The following PRKCE variants were observed in gnomAD, a reference collection of about 807,000 sequenced individuals.
PRKCE encodes protein kinase C epsilon type.
A neutral mutation model predicts 85.4 loss-of-function variants in PRKCE; 16 were observed. The ratio of observed to expected loss-of-function variants is 0.19; its 90% confidence interval spans 0.13 to 0.28. The LOEUF is 0.28. Among genes scored for constraint, PRKCE ranks in the 10% least tolerant of loss-of-function variants. PRKCE has a pLI of 1.00. For synonymous variants in PRKCE, 388 were observed against 371.5 expected (o/e 1.04, Z -0.51); for missense variants, 573 against 975.2 (o/e 0.59, Z 5.49).
At chr2:45,793,139 A>T (rs535345600) in intron 1 of PRKCE, among the ~76,000 whole-genome samples, 4 of 152,224 alleles carry the variant, frequency 2.6e-5, no homozygotes, top group Non-Finnish European at 5.9e-5. Flanking sequence ...GAATAGATTT[A>T]AGCAGGGCAG....
At chr2:45,762,022 C>T (rs528662402) in intron 1 of PRKCE, among the ~76,000 whole-genome samples, 1 of 152,306 alleles carries the variant, frequency 6.6e-6, no homozygotes, top group African/African-American at 2.4e-5. Context: ...GGTTTCCATC[C>T]CACCCTCTCA....
chr2:46,166,131 G>T (rs1188029104), intron 14 of PRKCE, among the ~76,000 whole-genome samples: 1 of 152,236 alleles, frequency 6.6e-6, no homozygotes, highest in East Asian at 1.9e-4. Flanking sequence ...GCATGACTGG[G>T]CTGTGCTGAG....
At chr2:45,859,385 C>T (rs1033771631) in intron 2 of PRKCE, among the ~76,000 whole-genome samples, 7 of 152,130 alleles carry the variant, frequency 4.6e-5, no homozygotes, top group African/African-American at 1.7e-4. Flanking sequence ...TTCGGCTTTG[C>T]TAGGTAATAA....
intron 7 of PRKCE, among the ~76,000 whole-genome samples, chr2:46,002,626 C>T (rs1181221748): frequency 6.6e-6 from 1 of 152,210 alleles, no homozygotes; most frequent in Non-Finnish European, 1.5e-5. Context: ...AAATTCTCTT[C>T]TCTCTGGTTG....
At chr2:45,779,456 G>A (rs1265188739) in intron 1 of PRKCE, among the ~76,000 whole-genome samples, 1 of 152,128 alleles carries the variant, frequency 6.6e-6, no homozygotes, top group South Asian at 2.1e-4. Flanking sequence ...AGGTGTTGTG[G>A]GTTGAGGGGT....
At chr2:46,109,778 A>T (rs1379976501) in intron 11 of PRKCE, among the ~76,000 whole-genome samples, 1 of 152,116 alleles carries the variant, frequency 6.6e-6, no homozygotes, top group Non-Finnish European at 1.5e-5. Flanking sequence ...TGTCTGTTAC[A>T]GATCTTAGTG....
At position 45,935,071 on chromosome 2, in the gene PRKCE, A is replaced by T. The variant is rs77448889; in HGVS notation, c.413-41358A>T. Among the ~76,000 whole-genome samples, 552 of 144,646 alleles carry T rather than the reference A, an allele frequency of 3.8e-3. 2 individuals carry two copies. The highest frequency in any genetic ancestry group is 0.013 in the African/African-American group (522 of 38,880). The allele number at this position is 144,646 out of a possible 152,430, so 94.9% of individuals were successfully genotyped here. A position where few individuals can be genotyped will look rare whatever the true frequency, so the allele number is the denominator to read the frequency against. ...GCGAGACACTCACTCTCTCTCTCAC[A>T]CACACACACACACACACACACATAG... On this transcript the variant is annotated intron_variant, in intron 2 of 14. Coordinates refer to ENST00000306156, the MANE Select transcript of PRKCE (RefSeq NM_005400.3).
At chr2:46,011,270 C>A (rs1705648522) in intron 10 of PRKCE, among the ~76,000 whole-genome samples, 1 of 152,172 alleles carries the variant, frequency 6.6e-6, no homozygotes, top group Non-Finnish European at 1.5e-5. Flanking sequence ...ACCTGAAACT[C>A]CTAGCTGTGG....
At chr2:46,085,989 G>A (rs550012656) in intron 10 of PRKCE, among the ~76,000 whole-genome samples, 8 of 152,178 alleles carry the variant, frequency 5.3e-5, no homozygotes, top group South Asian at 2.1e-4. Flanking sequence ...GATGCCCACC[G>A]AAGGCGGACA....
At chr2:45,820,876 C>T (rs1377396485) in intron 1 of PRKCE, among the ~76,000 whole-genome samples, 1 of 152,152 alleles carries the variant, frequency 6.6e-6, no homozygotes, top group African/African-American at 2.4e-5. Context: ...ACCTGGCCTT[C>T]TGTCTCCCCA....
chr2:45,813,785 G>A (rs766537708), intron 1 of PRKCE, among the ~76,000 whole-genome samples: 2 of 152,204 alleles, frequency 1.3e-5, no homozygotes, highest in Non-Finnish European at 2.9e-5. Flanking sequence ...AAATGACCCA[G>A]TGGAGCATTT....
intron 2 of PRKCE, among the ~76,000 whole-genome samples, chr2:45,843,300 C>T (rs556658736): frequency 1.4e-4 from 21 of 152,246 alleles, no homozygotes; most frequent in South Asian, 2.1e-4. Flanking sequence ...GCCAATAAAA[C>T]GGGCGTTTTT....
rs141787887 is a variant in PRKCE, at chr2:45,954,771, T to G, written c.413-21658T>G. Among the ~76,000 whole-genome samples the G allele has an allele frequency of 3.1e-3, 469 of 152,344 alleles. 1 individual carries two copies. The highest frequency in any genetic ancestry group is 0.011 in the African/African-American group (457 of 41,580). ...ATGCTCTTGTAGGCCCTTTAGGGATTGTTAAACTGTTTAGAACCGAGGATA... is the reference window on the plus strand; with the variant it reads ...ATGCTCTTGTAGGCCCTTTAGGGATGGTTAAACTGTTTAGAACCGAGGATA... On this transcript the variant is annotated intron_variant, in intron 2 of 14. Coordinates refer to ENST00000306156, the MANE Select transcript of PRKCE (RefSeq NM_005400.3).
intron 1 of PRKCE, among the ~76,000 whole-genome samples, chr2:45,699,910 G>A (rs1678479937): frequency 6.6e-6 from 1 of 152,114 alleles, no homozygotes; most frequent in Non-Finnish European, 1.5e-5. Context: ...GCACACTGAT[G>A]AGATCAAGGA....
At chr2:45,761,065 C>T (rs62127171) in intron 1 of PRKCE, among the ~76,000 whole-genome samples, 17,686 of 152,082 alleles carry the variant, frequency 0.12, 1,134 homozygotes, top group Middle Eastern at 0.21. Flanking sequence ...TGGTGGCTCA[C>T]GCCTGTAATC....
Position 46,145,198 on chromosome 2 carries a change from G to A in PRKCE, c.1698G>A (p.Thr566=), listed in dbSNP as rs752415570. 4.4e-6 allele frequency: 7 copies of A among 1,599,596 alleles called. No individual in the cohort carries two copies. Among genetic ancestry groups the A allele is most frequent in the African/African-American group, 2.7e-5 (2 of 74,898 alleles). The part of the protein sequence containing the change: ...EGILNGVTTT[T]FCGTPDYIAP... ...TTCTGAATGGTGTGACGACCACCAC[G>A]TTCTGTGGGACTCCTGACTACATAG... The change falls in exon 12 of 15, where the codon ACG becomes ACA. Residue 566 remains threonine (T), a synonymous_variant. Transcript: ENST00000306156. This position sits in a 1 kb window ranked among gnomAD's most constrained non-coding sequence, Gnocchi z 4.6.
At chr2:46,116,826 GA>G (rs900188154) in intron 11 of PRKCE, among the ~76,000 whole-genome samples, 89 of 152,278 alleles carry the variant, frequency 5.8e-4, no homozygotes, top group African/African-American at 2.0e-3. Flanking sequence ...AGGGAAAGGA[GA>G]AAGAGTAGCA....
chr2:46,136,780 C>T (rs932254443), intron 11 of PRKCE, among the ~76,000 whole-genome samples: 5 of 152,146 alleles, frequency 3.3e-5, no homozygotes, highest in African/African-American at 4.8e-5. Context: ...TTTGTGTTTC[C>T]GTGCACAGTG....
chr2:46,113,091 A>C (rs1036253094), intron 11 of PRKCE, among the ~76,000 whole-genome samples: 5 of 152,202 alleles, frequency 3.3e-5, no homozygotes, highest in Non-Finnish European at 5.9e-5. Flanking sequence ...ATTAACCATT[A>C]ATATAATTAC....
Sources: allele counts gnomAD v4.1 joint callset (sites outside exome capture counted in the v4.1 genomes callset), GRCh38; gene constraint gnomAD v4.1.1; non-coding constraint Gnocchi (gnomAD v3.1); transcripts MANE v1.5; gene names NCBI Gene and HGNC (gene_info 2026-07-23, HGNC 2026-07-21).